CUX1: variants seen among roughly 807,000 people sequenced by gnomAD.
The protein encoded by CUX1 is cut like homeobox 1, also known as protein CASP.
CUX1 carries 31 observed loss-of-function variants against 158.8 expected under a neutral mutation model. The observed-to-expected ratio is 0.20, with a 90% CI of 0.15 to 0.26. The LOEUF (loss-of-function observed/expected upper bound fraction) is 0.26. CUX1 is among the 10% of genes least tolerant of loss of function. CUX1 has a pLI of 1.00. For synonymous variants in CUX1, 879 were observed against 862.1 expected (o/e 1.02, Z -0.34); for missense variants, 1,589 against 2,014.6 (o/e 0.79, Z 4.04).
chr7:102,160,454 G>A (rs566689479), intron 9 of CUX1, among the ~76,000 whole-genome samples: 24 of 152,172 alleles, frequency 1.6e-4, no homozygotes, highest in Admixed American at 1.0e-3. Context: ...TTGGCAAAGC[G>A]AATGCACTTC....
At chr7:102,030,691 G>GGTTTTTTTTTTTTTTTTT (rs537970250) in intron 3 of CUX1, among the ~76,000 whole-genome samples, 1 of 119,386 alleles carries the variant, frequency 8.4e-6, no homozygotes, top group African/African-American at 3.1e-5. Context: ...TTTAAAAAGT[G>GGTTTTTTTTTTTTTTTTT]TTTTTTTTTT....
intron 13 of CUX1, chr7:102,194,171 A>C (rs1300059953): frequency 8.8e-6 from 4 of 452,360 alleles, no homozygotes; most frequent in African/African-American, 8.0e-5. Flanking sequence ...GATGGGCACT[A>C]CCAAAAAGCA....
At chr7:102,146,623 A>G (rs1475927806) in intron 8 of CUX1, among the ~76,000 whole-genome samples, 1 of 151,044 alleles carries the variant, frequency 6.6e-6, no homozygotes, top group Non-Finnish European at 1.5e-5. Flanking sequence ...TTTTAAACAG[A>G]CTCTCACTCT....
At chr7:101,817,585 A>T, upstream of CUX1, 1 of 1,523,298 alleles carries the variant, frequency 6.6e-7, no homozygotes, top group African/African-American at 1.4e-5. The surrounding 1 kb of genome is among the most constrained non-coding windows in gnomAD (Gnocchi z 4.1). Flanking sequence ...TCCGCCCCGC[A>T]CGTGCCAGCT....
intron 1 of CUX1, among the ~76,000 whole-genome samples, chr7:101,900,456 T>C (rs139742057): frequency 6.6e-6 from 1 of 152,242 alleles, no homozygotes. Flanking sequence ...ACTCGCTGAA[T>C]GCGGCACCGA....
chr7:102,066,202 T>C (rs1825529223), intron 3 of CUX1, among the ~76,000 whole-genome samples: 1 of 152,162 alleles, frequency 6.6e-6, no homozygotes, highest in Non-Finnish European at 1.5e-5. Flanking sequence ...GGTCATCTTC[T>C]TCTTTGTAGA....
chr7:102,198,741 A>C (rs1205133060), intron 15 of CUX1, 61 bp from the exon 16 acceptor site: 4 of 1,450,438 alleles, frequency 2.8e-6, no homozygotes, highest in Non-Finnish European at 2.9e-6. Flanking sequence ...CACACAGCCC[A>C]TATCGTCAAC....
chr7:101,920,890 A>G (rs1388338292), intron 2 of CUX1, among the ~76,000 whole-genome samples: 2 of 152,132 alleles, frequency 1.3e-5, no homozygotes, highest in African/African-American at 4.8e-5. Flanking sequence ...TAGTGGCACA[A>G]TCATAGCTTA....
rs782358571 is a variant in CUX1, at chr7:102,205,170, G to A, written c.3130G>A (p.Glu1044Lys). ...DPLQQGCVSS[E>K]STPKTSASCS... ...GCTGCAGCAGGGCTGTGTGAGCTCA[G>A]GTAAGCAGCCAGTTTCTGTTGCTTT... Residue 1044 changes from glutamate to lysine, a missense_variant and splice_region_variant, in exon 20 of 24, where the codon GAA becomes AAA. Transcript: ENST00000292535. The A allele has an allele frequency of 6.2e-7, 1 of 1,607,736 alleles. No individual in the cohort carries two copies. The highest frequency in any genetic ancestry group is 8.5e-7 in the Non-Finnish European group (1 of 1,175,110).
intron 5 of CUX1, among the ~76,000 whole-genome samples, chr7:102,101,944 A>G (rs1201866805): frequency 6.6e-6 from 1 of 151,458 alleles, no homozygotes; most frequent in Non-Finnish European, 1.5e-5. Flanking sequence ...AAAATGCTGT[A>G]TGTTTACACG....
intron 20 of CUX1, among the ~76,000 whole-genome samples, chr7:102,224,538 C>T (rs1180346291): frequency 2.0e-5 from 3 of 152,142 alleles, no homozygotes; most frequent in Non-Finnish European, 2.9e-5. Context: ...AGCAACCAGC[C>T]GCCACATGTC....
chr7:102,045,654 A>C lies in CUX1; in HGVS notation c.189+17509A>C, dbSNP rs1585402808. Among the ~76,000 whole-genome samples, 3 of 152,416 alleles carry C rather than the reference A, an allele frequency of 2.0e-5. No homozygotes were observed. In the East Asian group the frequency reaches 5.8e-4, roughly 29 times the overall value. On this transcript the variant is annotated intron_variant, in intron 3 of 23. Transcript: ENST00000292535. ...CAGCAGACATCAAAATTCCACGTGG[A>C]GGGCAAATTGATTTCGGCCCAGAGC...
At chr7:102,189,453 C>T (rs1586127228) in intron 11 of CUX1, among the ~76,000 whole-genome samples, 2 of 148,780 alleles carry the variant, frequency 1.3e-5, no homozygotes, top group South Asian at 2.1e-4. Context: ...TGGAGTGCAG[C>T]AGCACAATCA....
Position 101,984,113 on chromosome 7 carries a change from TATATATATATATATATACACAC to T in CUX1, c.142-43983_142-43962del, listed in dbSNP as rs1813913985. Among the ~76,000 whole-genome samples, 12 of 70,586 alleles carry T rather than the reference TATATATATATATATATACACAC, an allele frequency of 1.7e-4. 1 individual carries two copies. Among genetic ancestry groups the T allele is most frequent in the African/African-American group, 4.7e-4 (7 of 15,014 alleles). 46.3% of individuals were successfully genotyped at this position (70,586 alleles called of 152,430 possible). A position where few individuals can be genotyped will look rare whatever the true frequency, so the allele number is the denominator to read the frequency against. On this transcript the variant is annotated intron_variant, in intron 2 of 23. Coordinates refer to ENST00000292535, the MANE Select transcript of CUX1 (RefSeq NM_181552.4). Reference sequence around the variant, plus strand: ...AAATATATATATATATATATATATATATATATATATATATATACACACACACATATATATATGTGTGTGTGTG... The same window carrying T: ...AAATATATATATATATATATATATATACACATATATATATGTGTGTGTGTG...
At chr7:102,007,402 C>G (rs895534104) in intron 2 of CUX1, among the ~76,000 whole-genome samples, 11 of 152,042 alleles carry the variant, frequency 7.2e-5, no homozygotes, top group Admixed American at 1.3e-4. Flanking sequence ...GTTAAGGGGA[C>G]ATTTCCAAGC....
intron 20 of CUX1, among the ~76,000 whole-genome samples, chr7:102,221,594 C>T (rs185809385): frequency 8.0e-5 from 12 of 150,818 alleles, no homozygotes; most frequent in Admixed American, 7.3e-4. Context: ...CTGTTGTTTG[C>T]CTGCTGTTTT....
Position 102,201,744 on chromosome 7 carries a change from G to T in CUX1, c.2447G>T (p.Arg816Leu). The T allele has an allele frequency of 6.2e-7, 1 of 1,612,482 alleles. No individual in the cohort carries two copies. Among genetic ancestry groups the T allele is most frequent in the Non-Finnish European group, 8.5e-7 (1 of 1,179,922 alleles). Reference protein sequence around the residue: ...VLRQVKNEVGRSGAWKDHWWS... With the variant: ...VLRQVKNEVGLSGAWKDHWWS... ...AGACAGGTGAAAAATGAGGTGGGCC[G>T]CAGCGGTGCCTGGAAGGACCACTGG... is the stretch of plus-strand genomic sequence containing the variant. Residue 816 changes from arginine (R) to leucine (L), a missense_variant, in exon 18 of 24, where the codon CGC (arginine) becomes CTC (leucine). By Grantham distance (102) the Arg-to-Leu change is moderately radical. Around this residue, in one of 8 missense-constraint regions of CUX1, gnomAD observed 337 missense variants for 409.3 expected, o/e 0.82. Transcript: ENST00000292535. The surrounding 1 kb of genome is among the most constrained non-coding windows in gnomAD (Gnocchi z 5.0).
intron 1 of CUX1, among the ~76,000 whole-genome samples, chr7:101,871,939 A>G (rs554369214): frequency 4.5e-4 from 66 of 147,292 alleles, no homozygotes; most frequent in African/African-American, 1.6e-3. Context: ...AATCGCTTGA[A>G]CCCCGGAAGT....
At position 102,226,796 on chromosome 7, in the gene CUX1, G is replaced by A. The variant is rs557671554; in HGVS notation, c.3131-571G>A. ...CAGGCGTGAGCCACCATGCCTGGCTGATTTTTGTATTTTTAGTAGAGATGG... is the reference window on the plus strand; with the variant it reads ...CAGGCGTGAGCCACCATGCCTGGCTAATTTTTGTATTTTTAGTAGAGATGG... On this transcript the variant is annotated intron_variant, in intron 20 of 23. Transcript: ENST00000292535. Among the ~76,000 whole-genome samples the A allele has an allele frequency of 1.8e-4, 27 of 152,156 alleles. No individual in the cohort carries two copies. In the East Asian group the frequency reaches 5.0e-3, roughly 28 times the overall value.
Sources: allele counts gnomAD v4.1 joint callset (sites outside exome capture counted in the v4.1 genomes callset), GRCh38; gene constraint gnomAD v4.1.1; regional missense constraint gnomAD v4.1.1; non-coding constraint Gnocchi (gnomAD v3.1); transcripts MANE v1.5; gene names NCBI Gene and HGNC (gene_info 2026-07-23, HGNC 2026-07-21).